TNFRSF11A: variants seen among roughly 807,000 people sequenced by gnomAD.
TNFRSF11A encodes tumor necrosis factor receptor superfamily member 11A.
TNFRSF11A carries 32 observed loss-of-function variants against 55.7 expected under a neutral mutation model. The ratio of observed to expected loss-of-function variants is 0.57; its 90% CI spans 0.43 to 0.77. The LOEUF is 0.77. Among genes scored for constraint, TNFRSF11A ranks in the 30% least tolerant of loss-of-function variants. The pLI, the probability that TNFRSF11A is intolerant of heterozygous loss-of-function variation, is 0.00. For missense variants in TNFRSF11A, 753 were observed against 809.8 expected, an observed-to-expected ratio of 0.93 and a Z score of 0.85; for synonymous variants, 311 against 331.0, an observed-to-expected ratio of 0.94 and a Z score of 0.65.
rs771493139 is a variant in TNFRSF11A, at chr18:62,369,057, G to A, written c.1140G>A (p.Val380=). The A allele has an allele frequency of 6.3e-5, 102 of 1,614,178 alleles. No homozygotes were observed. The Middle Eastern group carries it at 4.8e-3, about 76-fold the overall frequency. The change falls in exon 9 of 10, where the codon GTG becomes GTA. Residue 380 remains valine (V), a synonymous_variant. Coordinates refer to ENST00000586569, the MANE Select transcript of TNFRSF11A (RefSeq NM_003839.4). ...STPPFSEPLE[V]GENDSLSQCF... is the part of the protein sequence containing the mutation. Reference sequence around the variant, plus strand: ...CTCCTTTCTCTGAACCCCTGGAGGTGGGGGAGAATGACAGTTTAAGCCAGT... The same window carrying A: ...CTCCTTTCTCTGAACCCCTGGAGGTAGGGGAGAATGACAGTTTAAGCCAGT...
intron 4 of TNFRSF11A, chr18:62,357,856 A>G: frequency 3.6e-6 from 1 of 279,832 alleles, no homozygotes; most frequent in Admixed American, 4.5e-5. Flanking sequence ...GGAAAACAAG[A>G]GACAGATAGC....
chr18:62,357,945 C>T, intron 4 of TNFRSF11A: 1 of 377,578 alleles, frequency 2.6e-6, no homozygotes, highest in Admixed American at 3.7e-5. Flanking sequence ...AACAAAGGGT[C>T]ATGACCAGAG....
At chr18:62,334,804 G>A (rs927558810) in intron 1 of TNFRSF11A, among the ~76,000 whole-genome samples, 43 of 152,210 alleles carry the variant, frequency 2.8e-4, no homozygotes, top group Admixed American at 2.4e-3. Flanking sequence ...TCTGGGTCAC[G>A]GTCAGTCTCA....
intron 7 of TNFRSF11A, among the ~76,000 whole-genome samples, chr18:62,364,299 C>T (rs537174193): frequency 1.3e-5 from 2 of 152,114 alleles, no homozygotes; most frequent in African/African-American, 4.8e-5. Flanking sequence ...CTAATGGCAC[C>T]GTAGCAGAAA....
chr18:62,390,298 A>G lies in TNFRSF11A; in HGVS notation c.*5264A>G, dbSNP rs1911948712. 2 of 152,262 alleles carry G rather than the reference A, an allele frequency of 1.3e-5. No homozygotes were observed. Among genetic ancestry groups the G allele is most frequent in the Admixed American group, 6.5e-5 (1 of 15,286 alleles). The allele number at this position is 152,262 out of a possible 1,614,324, so 9.4% of individuals were successfully genotyped here. A position where few individuals can be genotyped will look rare whatever the true frequency, so the allele number is the denominator to read the frequency against. ...TCTTCTGACATGACACACTGAGGGAAGTAGACTTACCCAATATAACTTCAC... is the reference window on the plus strand; with the variant it reads ...TCTTCTGACATGACACACTGAGGGAGGTAGACTTACCCAATATAACTTCAC... On this transcript the variant is annotated 3_prime_UTR_variant, in exon 10 of 10. Coordinates refer to ENST00000586569, the MANE Select transcript of TNFRSF11A (RefSeq NM_003839.4).
chr18:62,356,616 C>G (rs1909280120), intron 4 of TNFRSF11A, among the ~76,000 whole-genome samples: 1 of 152,196 alleles, frequency 6.6e-6, no homozygotes, highest in Non-Finnish European at 1.5e-5. Flanking sequence ...CAATTCAGAA[C>G]AAGTCAGCCT....
chr18:62,382,130 T>TC (rs1911334729), intron 9 of TNFRSF11A, among the ~76,000 whole-genome samples: 1 of 141,280 alleles, frequency 7.1e-6, no homozygotes. Flanking sequence ...TTTTTTTTTT[T>TC]TTGAGAGAGT....
chr18:62,385,497 T>G lies in TNFRSF11A; in HGVS notation c.*463T>G, dbSNP rs1753293316. 1 of 153,190 alleles carries G rather than the reference T, an allele frequency of 6.5e-6. No homozygotes were observed. Among genetic ancestry groups the G allele is most frequent in the Non-Finnish European group, 1.5e-5 (1 of 68,808 alleles). 9.5% of individuals were successfully genotyped at this position (153,190 alleles called of 1,614,324 possible). A position where few individuals can be genotyped will look rare whatever the true frequency, so the allele number is the denominator to read the frequency against. On this transcript the variant is annotated 3_prime_UTR_variant, in exon 10 of 10. Coordinates refer to ENST00000586569, the MANE Select transcript of TNFRSF11A (RefSeq NM_003839.4). ...TTCTCTTTTCCTTTTTTTTTTCTTT[T>G]TTTGGCAACCTGGCTCTGGCCCAGG...
At chr18:62,333,903 C>T (rs978629075) in intron 1 of TNFRSF11A, among the ~76,000 whole-genome samples, 3 of 151,026 alleles carry the variant, frequency 2.0e-5, no homozygotes, top group African/African-American at 7.3e-5. Flanking sequence ...CTCACTCTGT[C>T]GCCTAGGCTG....
intron 1 of TNFRSF11A, among the ~76,000 whole-genome samples, chr18:62,339,090 C>T (rs866245929): frequency 6.6e-6 from 1 of 152,264 alleles, no homozygotes; most frequent in African/African-American, 2.4e-5. Context: ...CACCTTCTTG[C>T]GCTTTCTCAT....
intron 9 of TNFRSF11A, among the ~76,000 whole-genome samples, chr18:62,379,624 G>A (rs1911126623): frequency 6.6e-6 from 1 of 152,172 alleles, no homozygotes; most frequent in East Asian, 1.9e-4. Context: ...CCTGCACTTA[G>A]ACTGCTTTTT....
chr18:62,389,189 G>T lies in TNFRSF11A; in HGVS notation c.*4155G>T, dbSNP rs62100865. On this transcript the variant is annotated 3_prime_UTR_variant, in exon 10 of 10. Coordinates refer to ENST00000586569, the MANE Select transcript of TNFRSF11A (RefSeq NM_003839.4). Reference sequence around the variant, plus strand: ...GGAGATGAGGAGCGCTGGAGGGTTCGGAGCAGAGAAGACGAGACAATGCTC... The same window carrying T: ...GGAGATGAGGAGCGCTGGAGGGTTCTGAGCAGAGAAGACGAGACAATGCTC... The T allele has an allele frequency of 0.015, 2,234 of 152,350 alleles. 31 individuals are homozygous for T. The highest frequency in any genetic ancestry group is 0.022 in the Non-Finnish European group (1,502 of 68,076). 9.4% of individuals were successfully genotyped at this position (152,350 alleles called of 1,614,324 possible).
At chr18:62,348,373 A>T in intron 2 of TNFRSF11A, 124 bp downstream of exon 2, 2 of 803,314 alleles carry the variant, frequency 2.5e-6, no homozygotes, top group Non-Finnish European at 4.3e-6. Context: ...GGCAGGTGGT[A>T]ATGTCTGTCA....
intron 1 of TNFRSF11A, among the ~76,000 whole-genome samples, chr18:62,331,847 T>A (rs927043051): frequency 2.0e-5 from 3 of 152,204 alleles, no homozygotes; most frequent in African/African-American, 7.2e-5. Context: ...GTCCAGTGCC[T>A]CTTAGACTTC....
chr18:62,349,057 G>C (rs1339121592), intron 2 of TNFRSF11A, among the ~76,000 whole-genome samples: 1 of 152,186 alleles, frequency 6.6e-6, no homozygotes, highest in African/African-American at 2.4e-5. Flanking sequence ...AGGCAGAGGG[G>C]AGAGGGGATG....
Position 62,329,510 on chromosome 18 carries a change from A to G in TNFRSF11A, c.75+4083A>G, listed in dbSNP as rs1568469612. 2.6e-5 allele frequency among the ~76,000 whole-genome samples: 4 copies of G among 152,172 alleles called. No individual in the cohort carries two copies. The South Asian group carries it at 6.2e-4, about 24-fold the overall frequency. On this transcript the variant is annotated intron_variant, in intron 1 of 9. Transcript: ENST00000586569. ...ACGGCCTTTCTGTGTATTTCCCTCT[A>G]GTTGCAGTGTGGGGCTTTCTATGGT... is the stretch of plus-strand genomic sequence containing the variant.
intron 7 of TNFRSF11A, among the ~76,000 whole-genome samples, chr18:62,365,132 T>C (rs1432896192): frequency 6.6e-6 from 1 of 152,124 alleles, no homozygotes; most frequent in Non-Finnish European, 1.5e-5. Context: ...GGCTAATTTT[T>C]GTATTTTTTT....
At chr18:62,382,657 G>C (rs1166893222) in intron 9 of TNFRSF11A, among the ~76,000 whole-genome samples, 1 of 152,034 alleles carries the variant, frequency 6.6e-6, no homozygotes, top group Non-Finnish European at 1.5e-5. Flanking sequence ...GTTTTCTGCG[G>C]GGGGAGTGGA....
chr18:62,343,376 A>T (rs972080218), intron 1 of TNFRSF11A, among the ~76,000 whole-genome samples: 6 of 152,228 alleles, frequency 3.9e-5, no homozygotes, highest in Non-Finnish European at 8.8e-5. Context: ...TTTAGTATCC[A>T]TAATGACTTG....
Sources: allele counts gnomAD v4.1 joint callset (sites outside exome capture counted in the v4.1 genomes callset), GRCh38; gene constraint gnomAD v4.1.1; transcripts MANE v1.5; gene names NCBI Gene and HGNC (gene_info 2026-07-23, HGNC 2026-07-21).